The following TNRC6B variants were observed in gnomAD, a reference collection of about 807,000 sequenced individuals.
TNRC6B encodes the protein trinucleotide repeat-containing gene 6B protein.
TNRC6B carries 52 observed loss-of-function variants against 203.6 expected under a neutral mutation model. The observed-to-expected ratio is 0.26, with a 90% CI of 0.20 to 0.32. The LOEUF (loss-of-function observed/expected upper bound fraction) is 0.32. Ranked by LOEUF, TNRC6B falls within the 10% of genes least tolerant of loss-of-function variation. The probability of loss-of-function intolerance (pLI) is 1.00; values close to 1 mark genes in which losing one functional copy is unlikely to be tolerated. For missense variants in TNRC6B, 1,923 were observed against 2,286.2 expected (o/e 0.84, Z 3.24); for synonymous variants, 838 against 845.7 (o/e 0.99, Z 0.16).
At chr22:40,088,983 G>T (rs2068124940) in intron 1 of TNRC6B, among the ~76,000 whole-genome samples, 1 of 152,032 alleles carries the variant, frequency 6.6e-6, no homozygotes, top group African/African-American at 2.4e-5. Flanking sequence ...AAAAAGAACT[G>T]CAACAAACAG....
chr22:40,236,085 C>G (rs996311853), intron 1 of TNRC6B, among the ~76,000 whole-genome samples: 5 of 152,134 alleles, frequency 3.3e-5, no homozygotes, highest in African/African-American at 1.2e-4. Context: ...ATGTCGCAAC[C>G]CAGATTTTGA....
chr22:40,269,913 C>CT, intron 5 of TNRC6B, among the ~76,000 whole-genome samples: 1 of 150,790 alleles, frequency 6.6e-6, no homozygotes, highest in South Asian at 2.1e-4. Context: ...AAAAAAATTC[C>CT]TGGCAGTTGA....
intron 1 of TNRC6B, among the ~76,000 whole-genome samples, chr22:40,227,861 A>G (rs1036604516): frequency 6.6e-6 from 1 of 152,220 alleles, no homozygotes; most frequent in African/African-American, 2.4e-5. Context: ...AGTTACTGTT[A>G]TAAGTTCTCA....
At chr22:40,177,228 A>G (rs370524833), upstream of TNRC6B, among the ~76,000 whole-genome samples, 1 of 152,298 alleles carries the variant, frequency 6.6e-6, no homozygotes, top group African/African-American at 2.4e-5. Flanking sequence ...AAGATGACTC[A>G]GACCTGCCCT....
intron 7 of TNRC6B, among the ~76,000 whole-genome samples, chr22:40,275,524 A>G (rs2070628786): frequency 6.6e-6 from 1 of 152,168 alleles, no homozygotes; most frequent in African/African-American, 2.4e-5. Flanking sequence ...TTCAGTGGCA[A>G]TAAGTATATT....
At chr22:40,282,328 C>T (rs938563126) in intron 11 of TNRC6B, among the ~76,000 whole-genome samples, 4 of 152,198 alleles carry the variant, frequency 2.6e-5, no homozygotes, top group Admixed American at 1.3e-4. Flanking sequence ...ATGGATTATA[C>T]TATATCCATG....
At chr22:40,075,152 ATATATTTTTTTT>A (rs1569251639) in intron 1 of TNRC6B, among the ~76,000 whole-genome samples, 1 of 65,190 alleles carries the variant, frequency 1.5e-5, no homozygotes. Context: ...ATATATATAT[ATATATTTTTTTT>A]TTTTTTTTTT....
chr22:40,072,602 G>A (rs561789194), intron 1 of TNRC6B, among the ~76,000 whole-genome samples: 1 of 152,188 alleles, frequency 6.6e-6, no homozygotes, highest in Non-Finnish European at 1.5e-5. Context: ...GGTGGCTGAG[G>A]CCTGTAATCC....
intron 1 of TNRC6B, among the ~76,000 whole-genome samples, chr22:40,114,299 T>C (rs963726976): frequency 1.3e-5 from 2 of 152,144 alleles, no homozygotes; most frequent in Non-Finnish European, 2.9e-5. Flanking sequence ...GTTAGGTACT[T>C]GGCTTTGGAA....
At chr22:40,072,720 C>T (rs2067961849) in intron 1 of TNRC6B, among the ~76,000 whole-genome samples, 1 of 151,866 alleles carries the variant, frequency 6.6e-6, no homozygotes, top group African/African-American at 2.4e-5. Context: ...AAAAATTAGC[C>T]GGGCATGGTG....
chr22:40,045,593 A>C (rs2067680936), intron 1 of TNRC6B: 3 of 152,200 alleles, frequency 2.0e-5, no homozygotes. Context: ...GACAAGGTGA[A>C]TGCGTTCCAC....
chr22:40,258,698 G>A (rs1252066126), intron 3 of TNRC6B, among the ~76,000 whole-genome samples: 1 of 152,122 alleles, frequency 6.6e-6, no homozygotes, highest in Non-Finnish European at 1.5e-5. Context: ...AGTGGTTGAG[G>A]TGTGTTCCCA....
intron 1 of TNRC6B, among the ~76,000 whole-genome samples, chr22:40,220,329 A>G (rs2146434447): frequency 6.6e-6 from 1 of 152,278 alleles, no homozygotes; most frequent in South Asian, 2.1e-4. Context: ...GCTAGAGTTT[A>G]AGTCAAGGCA....
chr22:40,217,032 A>G (rs138022), intron 1 of TNRC6B, among the ~76,000 whole-genome samples: 94,142 of 151,978 alleles, frequency 0.62, 33,582 homozygotes, highest in East Asian at 0.99. Context: ...CTGTCTGACC[A>G]ATGCAGCTGT....
At chr22:40,067,544 C>T (rs6519215) in intron 1 of TNRC6B, among the ~76,000 whole-genome samples, 3,477 of 152,170 alleles carry the variant, frequency 0.023, 150 homozygotes, top group African/African-American at 0.078. Context: ...GAAGCTCAGG[C>T]GTGTCTCAGC....
chr22:40,305,907 C>T (rs988352334), intron 15 of TNRC6B, among the ~76,000 whole-genome samples: 4 of 151,402 alleles, frequency 2.6e-5, no homozygotes, highest in South Asian at 2.1e-4. Context: ...TCTCTTTTTT[C>T]GCTTTTTTCT....
intron 1 of TNRC6B, among the ~76,000 whole-genome samples, chr22:40,180,296 GA>G (rs1389528367): frequency 1.3e-5 from 2 of 152,150 alleles, no homozygotes; most frequent in Non-Finnish European, 2.9e-5. Flanking sequence ...CTGAAGAGGA[GA>G]TAAAACCTAG....
intron 1 of TNRC6B, among the ~76,000 whole-genome samples, chr22:40,194,664 A>T (rs952304376): frequency 1.3e-5 from 2 of 152,206 alleles, no homozygotes; most frequent in African/African-American, 2.4e-5. Flanking sequence ...GGAAACAAAG[A>T]TGCCTAACAT....
intron 12 of TNRC6B, among the ~76,000 whole-genome samples, chr22:40,292,881 C>T (rs1250118493): frequency 6.6e-6 from 1 of 152,194 alleles, no homozygotes; most frequent in African/African-American, 2.4e-5. Flanking sequence ...CTAAAGATCA[C>T]TTTCCTATGC....
Sources: allele counts gnomAD v4.1 joint callset (sites outside exome capture counted in the v4.1 genomes callset), GRCh38; gene constraint gnomAD v4.1.1; transcripts MANE v1.5; gene names NCBI Gene and HGNC (gene_info 2026-07-23, HGNC 2026-07-21).